The following CLDN10 variants were observed in gnomAD, a reference collection of about 807,000 sequenced individuals.
CLDN10 encodes the protein claudin-10.
Under a neutral mutation model 22.9 loss-of-function variants are expected in CLDN10, and 15 were observed. The observed-to-expected ratio is 0.65, with a 90% confidence interval of 0.44 to 1.01. The LOEUF (loss-of-function observed/expected upper bound fraction) is 1.01. CLDN10 is among the 50% of genes least tolerant of loss of function. CLDN10 has a pLI of 0.00. For synonymous variants in CLDN10, 114 were observed against 111.4 expected (o/e 1.02, Z -0.15); for missense variants, 247 against 287.8 (o/e 0.86, Z 1.03).
At chr13:95,525,815 C>A (rs1017317902) in intron 1 of CLDN10, among the ~76,000 whole-genome samples, 5 of 152,010 alleles carry the variant, frequency 3.3e-5, no homozygotes, top group Non-Finnish European at 7.4e-5. Flanking sequence ...TGTAAGCCAC[C>A]GAGATTCTAG....
intron 1 of CLDN10, among the ~76,000 whole-genome samples, chr13:95,495,760 A>AAAGAAAG (rs1555292631): frequency 3.9e-5 from 5 of 129,272 alleles, no homozygotes; most frequent in African/African-American, 1.3e-4. Flanking sequence ...AAAAAAAAAG[A>AAAGAAAG]AAAGAAAGAA....
At chr13:95,470,395 G>T (rs183350952) in intron 1 of CLDN10, among the ~76,000 whole-genome samples, 1 of 152,108 alleles carries the variant, frequency 6.6e-6, no homozygotes, top group African/African-American at 2.4e-5. Context: ...CCATAGGTGC[G>T]CACCATCATG....
intron 3 of CLDN10, among the ~76,000 whole-genome samples, chr13:95,575,868 A>G (rs1356010361): frequency 6.6e-6 from 1 of 152,214 alleles, no homozygotes; most frequent in Admixed American, 6.5e-5. Flanking sequence ...AAAATGCACA[A>G]GTGGGCCCCG....
intron 1 of CLDN10, among the ~76,000 whole-genome samples, chr13:95,504,016 A>G (rs1215428821): frequency 1.3e-5 from 2 of 152,258 alleles, no homozygotes; most frequent in Admixed American, 6.5e-5. Flanking sequence ...AAACATTGAA[A>G]TGAAAAGGAG....
chr13:95,564,363 A>G (rs2043755813), intron 3 of CLDN10, among the ~76,000 whole-genome samples: 1 of 152,222 alleles, frequency 6.6e-6, no homozygotes, highest in Non-Finnish European at 1.5e-5. Context: ...ATTATCTTAC[A>G]TTAATCTTAC....
chr13:95,455,645 T>C (rs531418053), intron 1 of CLDN10, among the ~76,000 whole-genome samples: 1 of 152,386 alleles, frequency 6.6e-6, no homozygotes, highest in East Asian at 1.9e-4. Flanking sequence ...AACTTATTTA[T>C]TCACTCATTA....
chr13:95,486,954 A>G (rs1250540568), intron 1 of CLDN10, among the ~76,000 whole-genome samples: 1 of 152,206 alleles, frequency 6.6e-6, no homozygotes, highest in East Asian at 1.9e-4. Context: ...GTGAAAAGTC[A>G]TGGCCAAAAT....
intron 1 of CLDN10, among the ~76,000 whole-genome samples, chr13:95,515,180 TTTGTTGTTGTTG>T (rs146017884): frequency 5.6e-4 from 84 of 150,730 alleles, no homozygotes; most frequent in Non-Finnish European, 1.0e-3. Context: ...GCTAATTACG[TTTGTTGTTGTTG>T]TTGTTGTTGT....
At chr13:95,553,170 G>T (rs903472159) in intron 1 of CLDN10, among the ~76,000 whole-genome samples, 197 bp downstream of exon 1, 34 of 152,188 alleles carry the variant, frequency 2.2e-4, no homozygotes, top group Middle Eastern at 3.2e-3. Context: ...GTCTCGCGGG[G>T]CGCCTGTTCG....
At chr13:95,524,954 G>A (rs2043265401) in intron 1 of CLDN10, among the ~76,000 whole-genome samples, 1 of 151,794 alleles carries the variant, frequency 6.6e-6, no homozygotes, top group Non-Finnish European at 1.5e-5. Context: ...CCACCCCCCG[G>A]GTTCAAGCAA....
At chr13:95,448,232 T>A (rs941828096) in intron 1 of CLDN10, among the ~76,000 whole-genome samples, 8 of 152,012 alleles carry the variant, frequency 5.3e-5, no homozygotes, top group Admixed American at 5.2e-4. Context: ...ACACTCACCA[T>A]ACAGTCAGCA....
chr13:95,519,632 C>A (rs146982544), intron 1 of CLDN10, among the ~76,000 whole-genome samples: 2 of 152,236 alleles, frequency 1.3e-5, no homozygotes, highest in African/African-American at 4.8e-5. Flanking sequence ...GTGGCAGACA[C>A]AAATTTCTAA....
At chr13:95,519,280 C>T (rs962084207) in intron 1 of CLDN10, among the ~76,000 whole-genome samples, 9 of 152,174 alleles carry the variant, frequency 5.9e-5, no homozygotes, top group Admixed American at 1.3e-4. Flanking sequence ...TGAGCTGGAC[C>T]AGAGACCTAA....
intron 1 of CLDN10, among the ~76,000 whole-genome samples, chr13:95,532,382 C>T (rs967959267): frequency 6.6e-6 from 1 of 151,990 alleles, no homozygotes; most frequent in African/African-American, 2.4e-5. Flanking sequence ...GGGCAATAAG[C>T]ACATGAAAAA....
Position 95,552,825 on chromosome 13 carries a change from G to A in CLDN10, c.72G>A (p.Thr24=). The change falls in exon 1 of 5, where the codon ACG becomes ACA. Residue 24 remains threonine, a synonymous_variant. Transcript: ENST00000299339. ...CAGGCTGGGTACTGGTGTCCTCCAC[G>A]CTGCCCACCGACTACTGGAAGGTGT... ...SISGWVLVSS[T]LPTDYWKVST... 1 of 1,614,086 alleles carries A rather than the reference G, an allele frequency of 6.2e-7. No individual in the cohort carries two copies. The highest frequency in any genetic ancestry group is 1.3e-5 in the African/African-American group (1 of 75,056).
chr13:95,577,819 G>A, intron 4 of CLDN10, 81 bp from the exon 5 acceptor site: 2 of 801,438 alleles, frequency 2.5e-6, no homozygotes, highest in East Asian at 2.5e-5. Context: ...TATTGGCAGA[G>A]ACAGGCCGAA....
chr13:95,461,738 C>A (rs1393885192), intron 1 of CLDN10, among the ~76,000 whole-genome samples: 2 of 152,184 alleles, frequency 1.3e-5, no homozygotes, highest in African/African-American at 2.4e-5. Context: ...CTTGATCCCA[C>A]AAGTGCAAAT....
chr13:95,547,260 C>T (rs1267007389), intron 1 of CLDN10, among the ~76,000 whole-genome samples: 1 of 151,978 alleles, frequency 6.6e-6, no homozygotes, highest in Non-Finnish European at 1.5e-5. Context: ...CACTTTTGCT[C>T]CCCGGGACTA....
chr13:95,452,737 C>G (rs1170071992), intron 1 of CLDN10, among the ~76,000 whole-genome samples: 1 of 152,186 alleles, frequency 6.6e-6, no homozygotes, highest in Admixed American at 6.5e-5. Flanking sequence ...TTTGGGTTAT[C>G]TCTTTTATAA....
Sources: allele counts gnomAD v4.1 joint callset (sites outside exome capture counted in the v4.1 genomes callset), GRCh38; gene constraint gnomAD v4.1.1; transcripts MANE v1.5; gene names NCBI Gene and HGNC (gene_info 2026-07-23, HGNC 2026-07-21).